TMEM131: variants seen among roughly 807,000 people sequenced by gnomAD.
TMEM131 encodes the protein transmembrane protein 131.
TMEM131 carries 66 observed loss-of-function variants against 211.6 expected under a neutral mutation model. The ratio of observed to expected loss-of-function variants is 0.31; its 90% CI spans 0.26 to 0.38. The LOEUF is 0.38. TMEM131 is among the 10% of genes least tolerant of loss of function. The pLI, the probability that TMEM131 is intolerant of heterozygous loss-of-function variation, is 1.00. For missense variants in TMEM131, 2,036 were observed against 2,299.3 expected (o/e 0.89, Z 2.34); for synonymous variants, 844 against 841.3 (o/e 1.00, Z -0.06).
At chr2:97,955,454 A>C (rs1443826760) in intron 1 of TMEM131, among the ~76,000 whole-genome samples, 1 of 152,202 alleles carries the variant, frequency 6.6e-6, no homozygotes, top group African/African-American at 2.4e-5. Flanking sequence ...TACTGCAATA[A>C]GGCAAGGAAA....
At chr2:97,860,148 C>T in intron 4 of TMEM131, among the ~76,000 whole-genome samples, 1 of 152,136 alleles carries the variant, frequency 6.6e-6, no homozygotes, top group Admixed American at 6.5e-5. Context: ...TTGGTACAGG[C>T]CTCCTAACTT....
chr2:97,907,826 G>A lies in TMEM131; in HGVS notation c.290+832C>T, dbSNP rs976750024. Among the ~76,000 whole-genome samples the A allele has an allele frequency of 5.9e-5, 9 of 152,286 alleles. 2 individuals carry two copies. On this transcript the variant is annotated intron_variant, in intron 3 of 40. Transcript: ENST00000186436. ...TGCCAGCCGTTCAATTGTTACTAAA[G>A]GGCGCTCACTAGAACAGGTACTGGT...
rs1408515689 is a variant in TMEM131 at position 97,947,326 on chromosome 2, T to C, written c.188-19839A>G. Reference sequence around the variant, plus strand: ...GACATGATATCTCCTATAACACCTATAAAAATTCTACTAGAATTTTTTTGA... The same window carrying C: ...GACATGATATCTCCTATAACACCTACAAAAATTCTACTAGAATTTTTTTGA... On this transcript the variant is annotated intron_variant, in intron 1 of 40. Transcript: ENST00000186436. Among the ~76,000 whole-genome samples, 3 of 152,094 alleles carry C rather than the reference T, an allele frequency of 2.0e-5. No homozygotes were observed. In the East Asian group the frequency reaches 5.8e-4, roughly 29 times the overall value.
At chr2:97,887,920 ATT>A (rs1383996155) in intron 4 of TMEM131, 130 bp downstream of exon 4, 17 of 658,990 alleles carry the variant, frequency 2.6e-5, no homozygotes, top group East Asian at 1.9e-4. Flanking sequence ...ATTCAGTATC[ATT>A]TGTTTTCCTG....
At chr2:97,841,469 A>G (rs951423962) in intron 7 of TMEM131, among the ~76,000 whole-genome samples, 4 of 152,214 alleles carry the variant, frequency 2.6e-5, no homozygotes, top group African/African-American at 9.6e-5. Context: ...AAAAACATGG[A>G]TATTGGGCCA....
At chr2:97,772,812 G>A (rs574019227) in intron 32 of TMEM131, among the ~76,000 whole-genome samples, 4 of 152,256 alleles carry the variant, frequency 2.6e-5, no homozygotes, top group Non-Finnish European at 4.4e-5. Flanking sequence ...CATGAGAATC[G>A]CTTGAACTGG....
rs371582664 is a variant in TMEM131 at position 97,887,299 on chromosome 2, GC to G, written c.359+752del. 2.6e-3 allele frequency among the ~76,000 whole-genome samples: 391 copies of G among 152,240 alleles called. 2 individuals carry two copies. Among genetic ancestry groups the G allele is most frequent in the Non-Finnish European group, 3.2e-3 (217 of 68,010 alleles). ...ATGTTTGCTAGTGGCGACCCACAGG[GC>G]TATTTCTTAGGCCTGACACAGGCAC... On this transcript the variant is annotated intron_variant, in intron 4 of 40. Coordinates refer to ENST00000186436, the MANE Select transcript of TMEM131 (RefSeq NM_015348.2).
At chr2:97,834,731 A>T (rs1414902281) in intron 9 of TMEM131, 44 bp downstream of exon 9, 2 of 1,608,592 alleles carry the variant, frequency 1.2e-6, no homozygotes, top group East Asian at 2.2e-5. Flanking sequence ...AGTAAGCTAT[A>T]CTGAAAACAA....
intron 1 of TMEM131, among the ~76,000 whole-genome samples, chr2:97,931,296 G>C (rs1333193493): frequency 2.0e-5 from 3 of 150,610 alleles, no homozygotes; most frequent in Admixed American, 6.6e-5. Context: ...AGCTGTCTGT[G>C]AGTAACAAAG....
In TMEM131 at chr2:97,949,799, G is replaced by A. The variant is rs562185866; in HGVS notation, c.188-22312C>T. Among the ~76,000 whole-genome samples the A allele has an allele frequency of 4.6e-4, 54 of 118,392 alleles. 1 individual carries two copies. Among genetic ancestry groups the A allele is most frequent in the Admixed American group, 2.3e-3 (22 of 9,384 alleles). The allele number at this position is 118,392 out of a possible 152,430, so 77.7% of individuals were successfully genotyped here. ...CATGCCACCGCACTCCAGCCTGGGC[G>A]ACAGAGTGAGACTGTCTCAAAAAAA... On this transcript the variant is annotated intron_variant, in intron 1 of 40. Coordinates refer to ENST00000186436, the MANE Select transcript of TMEM131 (RefSeq NM_015348.2).
At chr2:97,883,949 T>C (rs1559422991) in intron 4 of TMEM131, among the ~76,000 whole-genome samples, 1 of 152,168 alleles carries the variant, frequency 6.6e-6, no homozygotes, top group Non-Finnish European at 1.5e-5. Flanking sequence ...ATCTTACTTA[T>C]TTCCTTCCAC....
intron 34 of TMEM131, 107 bp downstream of exon 34, chr2:97,766,371 A>C (rs1158629659): frequency 6.3e-7 from 1 of 1,597,802 alleles, no homozygotes; most frequent in Non-Finnish European, 8.6e-7. Context: ...TTAGCCTTGC[A>C]TGACTAATAA....
chr2:97,810,957 A>T (rs1681522226), intron 18 of TMEM131, among the ~76,000 whole-genome samples, 171 bp downstream of exon 18: 1 of 152,226 alleles, frequency 6.6e-6, no homozygotes, highest in Admixed American at 6.5e-5. Context: ...AAAAACTATG[A>T]GCCTATGAAC....
At position 97,880,700 on chromosome 2, in the gene TMEM131, AG is replaced by A. The variant is rs536842931; in HGVS notation, c.359+7351del. Among the ~76,000 whole-genome samples, 34 of 152,206 alleles carry A rather than the reference AG, an allele frequency of 2.2e-4. No homozygotes were observed. The East Asian group carries it at 6.6e-3, about 29-fold the overall frequency. On this transcript the variant is annotated intron_variant, in intron 4 of 40. Transcript: ENST00000186436. Reference sequence around the variant, plus strand: ...TGGTGTTGGAGACACATGGTAAGTGAGGGGGGATGACAGAGATTGGGAGATT... The same window carrying A: ...TGGTGTTGGAGACACATGGTAAGTGAGGGGGATGACAGAGATTGGGAGATT...
At chr2:97,784,102 G>T (rs903318577) in intron 31 of TMEM131, among the ~76,000 whole-genome samples, 1 of 151,822 alleles carries the variant, frequency 6.6e-6, no homozygotes, top group African/African-American at 2.4e-5. Flanking sequence ...ATGTAAAGCA[G>T]AAACATCTAA....
At chr2:97,793,068 G>A in intron 30 of TMEM131, 84 bp from the exon 31 acceptor site, 1 of 1,012,482 alleles carries the variant, frequency 9.9e-7, no homozygotes, top group Non-Finnish European at 1.4e-6. Flanking sequence ...CATCAGTACA[G>A]CCACCATAAA....
chr2:97,856,690 C>T (rs1259358145), intron 5 of TMEM131, among the ~76,000 whole-genome samples: 1 of 152,156 alleles, frequency 6.6e-6, no homozygotes, highest in Non-Finnish European at 1.5e-5. Flanking sequence ...ATTCATCTTT[C>T]CCCAAGGCTC....
At chr2:97,871,119 A>C (rs1674472883) in intron 4 of TMEM131, among the ~76,000 whole-genome samples, 1 of 152,224 alleles carries the variant, frequency 6.6e-6, no homozygotes, top group African/African-American at 2.4e-5. Flanking sequence ...TCTGAAATCA[A>C]GATTTTCTGA....
intron 1 of TMEM131, among the ~76,000 whole-genome samples, chr2:97,976,292 T>C (rs557312258): frequency 1.4e-4 from 22 of 152,192 alleles, no homozygotes; most frequent in African/African-American, 4.8e-4. Flanking sequence ...TCCAATGCAA[T>C]CTACAGAAAA....
Sources: allele counts gnomAD v4.1 joint callset (sites outside exome capture counted in the v4.1 genomes callset), GRCh38; gene constraint gnomAD v4.1.1; transcripts MANE v1.5; gene names NCBI Gene and HGNC (gene_info 2026-07-23, HGNC 2026-07-21).